Variants in SUB1 observed in about 807,000 individuals in gnomAD.
SUB1 encodes the protein activated RNA polymerase II transcriptional coactivator p15.
A neutral mutation model predicts 16.9 loss-of-function variants in SUB1; 1 was observed. That is an observed-to-expected ratio of 0.06 (90% CI 0.02 to 0.28). SUB1 has a LOEUF of 0.28. Ranked by LOEUF, SUB1 falls within the 10% of genes least tolerant of loss-of-function variation. The probability of loss-of-function intolerance (pLI) is 1.00; values close to 1 mark genes in which losing one functional copy is unlikely to be tolerated. For synonymous variants in SUB1, 51 were observed against 46.9 expected, an observed-to-expected ratio of 1.09 and a Z score of -0.36; for missense variants, 84 against 145.2, an observed-to-expected ratio of 0.58 and a Z score of 2.16.
At chr5:32,597,057 G>A (rs184001626) in intron 3 of SUB1, 2 of 152,222 alleles carry the variant, frequency 1.3e-5, no homozygotes, top group East Asian at 3.9e-4. Context: ...GGTTGGTGAA[G>A]CAGTGTAGCT....
intron 3 of SUB1, among the ~76,000 whole-genome samples, chr5:32,592,094 G>A (rs1368032628): frequency 1.3e-5 from 2 of 152,308 alleles, no homozygotes; most frequent in East Asian, 3.8e-4. Context: ...TAATATGTAT[G>A]TTACAATCTT....
chr5:32,586,230 G>C (rs921027609), intron 1 of SUB1: 1 of 152,290 alleles, frequency 6.6e-6, no homozygotes, highest in Non-Finnish European at 1.5e-5. Flanking sequence ...TGCTAGCCAC[G>C]GGGTTCTAGC....
At chr5:32,587,456 C>G (rs1184360311) in intron 1 of SUB1, among the ~76,000 whole-genome samples, 1 of 152,130 alleles carries the variant, frequency 6.6e-6, no homozygotes, top group East Asian at 1.9e-4. Flanking sequence ...CTGGGGGGAC[C>G]TGGGAAGTTA....
At position 32,602,688 on chromosome 5, in the gene SUB1, G is replaced by A; in HGVS notation, c.*1604G>A. 1 of 157,852 alleles carries A rather than the reference G, an allele frequency of 6.3e-6. No individual in the cohort carries two copies. The highest frequency in any genetic ancestry group is 1.4e-5 in the Non-Finnish European group (1 of 71,374). 9.8% of individuals were successfully genotyped at this position (157,852 alleles called of 1,614,324 possible). ...ATGACTTTTTAAAGTATATTTAGCA[G>A]TAACCTTATGAGGTTCAAATTGGTA... On this transcript the variant is annotated 3_prime_UTR_variant, in exon 5 of 5. Transcript: ENST00000265073.
chr5:32,588,327 C>A (rs1458047), intron 1 of SUB1, among the ~76,000 whole-genome samples, 185 bp from the exon 2 acceptor site: 1 of 152,026 alleles, frequency 6.6e-6, no homozygotes, highest in Non-Finnish European at 1.5e-5. Context: ...TTGCACCCTG[C>A]GTGTTATTTG....
chr5:32,586,577 G>A (rs1370980764), intron 1 of SUB1: 1 of 152,022 alleles, frequency 6.6e-6, no homozygotes, highest in Non-Finnish European at 1.5e-5. Context: ...GACTTCTTTG[G>A]GTTGAGTACC....
At chr5:32,594,637 A>G (rs1738910626) in intron 3 of SUB1, 1 of 453,336 alleles carries the variant, frequency 2.2e-6, no homozygotes, top group Non-Finnish European at 4.4e-6. Context: ...GTGAGTGAAC[A>G]TTGCAGCCCG....
chr5:32,589,268 G>A (rs1211116941), intron 2 of SUB1, among the ~76,000 whole-genome samples: 2 of 151,950 alleles, frequency 1.3e-5, no homozygotes, highest in Non-Finnish European at 2.9e-5. Flanking sequence ...AAATGTTTTT[G>A]TAGGGACCAG....
intron 1 of SUB1, chr5:32,586,529 AG>A (rs1414396040): frequency 6.6e-6 from 1 of 152,010 alleles, no homozygotes; most frequent in Non-Finnish European, 1.5e-5. Flanking sequence ...AAAAGTTTAG[AG>A]GCTGGTTTTA....
In SUB1 at chr5:32,603,576, T is replaced by C. The variant is rs1418434244; in HGVS notation, c.*2492T>C. 2.0e-5 allele frequency: 3 copies of C among 152,202 alleles called. No individual in the cohort carries two copies. Among genetic ancestry groups the C allele is most frequent in the Non-Finnish European group, 4.4e-5 (3 of 68,008 alleles). The allele number at this position is 152,202 out of a possible 1,614,324, so 9.4% of individuals were successfully genotyped here. A position where few individuals can be genotyped will look rare whatever the true frequency, so the allele number is the denominator to read the frequency against. ...AAAATCTTTGTAATTTGATTGTCTT[T>C]TGCTTTGCTTCATTAATGCCTAAGA... On this transcript the variant is annotated 3_prime_UTR_variant, in exon 5 of 5. Transcript: ENST00000265073.
chr5:32,590,907 T>C (rs1288258203), intron 2 of SUB1, among the ~76,000 whole-genome samples: 1 of 151,282 alleles, frequency 6.6e-6, no homozygotes, highest in East Asian at 1.9e-4. Context: ...GCTGGGATTA[T>C]AGGTGCCCAC....
At chr5:32,598,920 C>T in intron 3 of SUB1, 41 bp from the exon 4 acceptor site, 1 of 1,487,258 alleles carries the variant, frequency 6.7e-7, no homozygotes, top group East Asian at 2.3e-5. Context: ...AGATACCACT[C>T]TTGAAAGGAG....
At position 32,601,236 on chromosome 5, in the gene SUB1, A is replaced by T. The variant is rs766491877; in HGVS notation, c.*152A>T. On this transcript the variant is annotated 3_prime_UTR_variant, in exon 5 of 5. Coordinates refer to ENST00000265073, the MANE Select transcript of SUB1 (RefSeq NM_006713.4). The stretch of plus-strand genomic sequence containing the variant: ...TGAATACTTTTTTTTAATGTGCATT[A>T]TTAAAAATATTGAGTGAAGCTAATT... 7.3e-5 allele frequency: 45 copies of T among 613,362 alleles called. No individual in the cohort carries two copies. Among genetic ancestry groups the T allele is most frequent in the Middle Eastern group, 4.5e-4 (1 of 2,200 alleles). 38.0% of individuals were successfully genotyped at this position (613,362 alleles called of 1,614,324 possible).
At chr5:32,590,547 C>T (rs1738793693) in intron 2 of SUB1, among the ~76,000 whole-genome samples, 1 of 151,208 alleles carries the variant, frequency 6.6e-6, no homozygotes, top group South Asian at 2.1e-4. Context: ...TGTCAGTGCC[C>T]AGTGCAAAAT....
chr5:32,586,376 T>G (rs534695552), intron 1 of SUB1: 12 of 152,382 alleles, frequency 7.9e-5, no homozygotes, highest in African/African-American at 2.9e-4. Flanking sequence ...CAGCAAAGGC[T>G]GAAGATTTCG....
chr5:32,589,753 T>A (rs544115936), intron 2 of SUB1, among the ~76,000 whole-genome samples: 97 of 152,340 alleles, frequency 6.4e-4, no homozygotes, highest in Admixed American at 6.3e-3. Context: ...GGTCGTGTTT[T>A]TCCTAATTAG....
At chr5:32,598,746 CAA>C (rs1739042395) in intron 3 of SUB1, 1 of 375,956 alleles carries the variant, frequency 2.7e-6, no homozygotes, top group African/African-American at 2.1e-5. Context: ...TTCAAATTGT[CAA>C]GTCTGCAAAA....
chr5:32,590,988 C>T (rs940083418), intron 2 of SUB1, among the ~76,000 whole-genome samples: 15 of 151,606 alleles, frequency 9.9e-5, no homozygotes, highest in African/African-American at 3.6e-4. Flanking sequence ...AGGCTGGTCT[C>T]GAACTCCTGA....
intron 3 of SUB1, among the ~76,000 whole-genome samples, chr5:32,592,471 G>A (rs961903785): frequency 2.0e-5 from 3 of 152,218 alleles, no homozygotes; most frequent in Non-Finnish European, 4.4e-5. Flanking sequence ...TTGTTTTAGG[G>A]AGACTTGACA....
Sources: gnomAD v4.1 joint callset for allele counts (sites outside exome capture counted in the v4.1 genomes callset) on GRCh38, gnomAD v4.1.1 for gene constraint, MANE v1.5 for transcripts, NCBI Gene and HGNC (gene_info 2026-07-23, HGNC 2026-07-21) for gene names.